The following ZMYM4 variants were observed in gnomAD, a reference collection of about 807,000 sequenced individuals.
ZMYM4 encodes the protein zinc finger MYM-type protein 4.
ZMYM4 carries 31 observed loss-of-function variants against 183.2 expected under a neutral mutation model. The observed-to-expected ratio is 0.17, with a 90% CI of 0.13 to 0.23. The LOEUF is 0.23. Among genes scored for constraint, ZMYM4 ranks in the 10% least tolerant of loss-of-function variants. The pLI is 1.00. For missense variants in ZMYM4, 1,273 were observed against 1,840.3 expected, an observed-to-expected ratio of 0.69 and a Z score of 5.64; for synonymous variants, 592 against 631.2, an observed-to-expected ratio of 0.94 and a Z score of 0.93.
chr1:35,412,857 A>C (rs186297928), intron 26 of ZMYM4, among the ~76,000 whole-genome samples: 6 of 152,158 alleles, frequency 3.9e-5, no homozygotes, highest in African/African-American at 9.7e-5. Context: ...ATAAATTTAA[A>C]TGGAAATAAT....
chr1:35,277,036 G>A (rs1570224587), intron 1 of ZMYM4, among the ~76,000 whole-genome samples: 1 of 152,096 alleles, frequency 6.6e-6, no homozygotes, highest in Non-Finnish European at 1.5e-5. Flanking sequence ...CCTTGTTATG[G>A]TATTTAACAT....
At chr1:35,305,552 C>A (rs75571583) in intron 1 of ZMYM4, among the ~76,000 whole-genome samples, 3,170 of 148,980 alleles carry the variant, frequency 0.021, 111 homozygotes, top group African/African-American at 0.074. Context: ...GTTTTCTCTT[C>A]TTTTTTTTTA....
At chr1:35,304,114 T>C (rs1294010110) in intron 1 of ZMYM4, among the ~76,000 whole-genome samples, 1 of 151,900 alleles carries the variant, frequency 6.6e-6, no homozygotes, top group Non-Finnish European at 1.5e-5. Flanking sequence ...AACCTCCGCC[T>C]CCCACATTCA....
At chr1:35,285,331 T>G (rs1164095729) in intron 1 of ZMYM4, among the ~76,000 whole-genome samples, 6 of 152,236 alleles carry the variant, frequency 3.9e-5, no homozygotes, top group Non-Finnish European at 7.3e-5. Context: ...CCATTTATTT[T>G]GGTCTTCTTT....
At chr1:35,355,856 A>T (rs1171375678) in intron 2 of ZMYM4, among the ~76,000 whole-genome samples, 1 of 152,136 alleles carries the variant, frequency 6.6e-6, no homozygotes, top group Non-Finnish European at 1.5e-5. Context: ...CATCTGTAAA[A>T]TTTTTTGATG....
intron 2 of ZMYM4, among the ~76,000 whole-genome samples, chr1:35,352,125 ACAGTGACTTGCACC>A (rs1368161866): frequency 6.6e-6 from 1 of 152,254 alleles, no homozygotes; most frequent in East Asian, 1.9e-4. Context: ...TAGGCTGGGT[ACAGTGACTTGCACC>A]TATAATTCCA....
intron 23 of ZMYM4, among the ~76,000 whole-genome samples, chr1:35,402,548 G>C (rs372367026): frequency 6.6e-6 from 1 of 151,988 alleles, no homozygotes; most frequent in Non-Finnish European, 1.5e-5. Context: ...GCCTAGGGGG[G>C]GTCGAGGCTG....
At chr1:35,289,495 TAC>T (rs1283700082) in intron 1 of ZMYM4, among the ~76,000 whole-genome samples, 6 of 152,134 alleles carry the variant, frequency 3.9e-5, no homozygotes, top group African/African-American at 1.2e-4. Context: ...GGGGAAAGAA[TAC>T]ACAGTGGTCG....
intron 1 of ZMYM4, among the ~76,000 whole-genome samples, chr1:35,321,718 T>TA (rs1245934444): frequency 6.6e-6 from 1 of 152,072 alleles, no homozygotes; most frequent in Non-Finnish European, 1.5e-5. Flanking sequence ...GATTAAATCA[T>TA]ATAAAGTACT....
Position 35,384,279 on chromosome 1 carries a change from CATTAGGGAG to C in ZMYM4, c.1570-1162_1570-1154del, listed in dbSNP as rs1341062669. 3.3e-5 allele frequency among the ~76,000 whole-genome samples: 5 copies of C among 152,136 alleles called. No individual in the cohort carries two copies. The East Asian group carries it at 5.8e-4, about 18-fold the overall frequency. On this transcript the variant is annotated intron_variant, in intron 9 of 29. Transcript: ENST00000314607. ...AAATGAGGTTTGCTTTTACAGTCCT[CATTAGGGAG>C]GAGAGGGAAATGGGGTTAGAGATTT...
At position 35,389,144 on chromosome 1, in the gene ZMYM4, T is replaced by C. The variant is rs927612064; in HGVS notation, c.2436+62T>C. The C allele has an allele frequency of 2.0e-6, 3 of 1,494,458 alleles. No individual in the cohort carries two copies. The African/African-American group carries it at 4.2e-5, about 21-fold the overall frequency. The allele number at this position is 1,494,458 out of a possible 1,614,324, so 92.6% of individuals were successfully genotyped here. On this transcript the variant is annotated intron_variant, in intron 14 of 29. Transcript: ENST00000314607. This position sits in a 1 kb window ranked among gnomAD's most constrained non-coding sequence, Gnocchi z 4.0. The stretch of plus-strand genomic sequence containing the variant: ...GGGCATAAATTATTCCCTTTTAAAA[T>C]TTCATGTCACATAAAGGACAATTTA...
chr1:35,367,807 C>G (rs1194230916), intron 5 of ZMYM4, among the ~76,000 whole-genome samples: 1 of 151,874 alleles, frequency 6.6e-6, no homozygotes, highest in Non-Finnish European at 1.5e-5. Flanking sequence ...GAAACCCCAT[C>G]TCTACTAAAA....
intron 1 of ZMYM4, among the ~76,000 whole-genome samples, chr1:35,324,155 A>G (rs188274720): frequency 4.1e-4 from 62 of 152,114 alleles, no homozygotes; most frequent in African/African-American, 1.4e-3. Context: ...TCTTCAGTTC[A>G]GGGAAATTTT....
intron 24 of ZMYM4, 54 bp downstream of exon 24, chr1:35,405,248 T>C: frequency 6.3e-7 from 1 of 1,596,784 alleles, no homozygotes; most frequent in Non-Finnish European, 8.5e-7. Context: ...AATATACAGA[T>C]AATCTACTGA....
At chr1:35,344,712 C>G (rs1004743630) in intron 2 of ZMYM4, among the ~76,000 whole-genome samples, 3 of 151,910 alleles carry the variant, frequency 2.0e-5, no homozygotes, top group Non-Finnish European at 4.4e-5. Flanking sequence ...TTATATGTTT[C>G]TATATTCAAT....
Position 35,421,821 on chromosome 1 carries a change from C to T in ZMYM4, c.*2144C>T, listed in dbSNP as rs1640334078. Reference sequence around the variant, plus strand: ...ATTTTTTTTCCAGGGGAGAAAAAAACATCAAACAAAAACATCTAAATCATC... The same window carrying T: ...ATTTTTTTTCCAGGGGAGAAAAAAATATCAAACAAAAACATCTAAATCATC... On this transcript the variant is annotated 3_prime_UTR_variant, in exon 30 of 30. Coordinates refer to ENST00000314607, the MANE Select transcript of ZMYM4 (RefSeq NM_005095.3). 1 of 151,914 alleles carries T rather than the reference C, an allele frequency of 6.6e-6. No individual in the cohort carries two copies. Among genetic ancestry groups the T allele is most frequent in the South Asian group, 2.1e-4 (1 of 4,830 alleles). The allele number at this position is 151,914 out of a possible 1,614,324, so 9.4% of individuals were successfully genotyped here. A position where few individuals can be genotyped will look rare whatever the true frequency, so the allele number is the denominator to read the frequency against.
At chr1:35,283,898 A>AT (rs1640329138) in intron 1 of ZMYM4, among the ~76,000 whole-genome samples, 1 of 151,330 alleles carries the variant, frequency 6.6e-6, no homozygotes, top group Non-Finnish European at 1.5e-5. Flanking sequence ...ATTTACAAAT[A>AT]TTTTTTTCCC....
chr1:35,341,803 T>A (rs1290505680), intron 2 of ZMYM4, among the ~76,000 whole-genome samples: 1 of 152,164 alleles, frequency 6.6e-6, no homozygotes. Flanking sequence ...TTGTAGTATT[T>A]TGTCATTGGG....
chr1:35,326,304 A>G (rs763777103), intron 2 of ZMYM4, among the ~76,000 whole-genome samples: 38 of 152,360 alleles, frequency 2.5e-4, no homozygotes, highest in Non-Finnish European at 4.7e-4. Context: ...CATGCATACA[A>G]GAAAGATTAA....
Sources: allele counts gnomAD v4.1 joint callset (sites outside exome capture counted in the v4.1 genomes callset), GRCh38; gene constraint gnomAD v4.1.1; non-coding constraint Gnocchi (gnomAD v3.1); transcripts MANE v1.5; gene names NCBI Gene and HGNC (gene_info 2026-07-23, HGNC 2026-07-21).